The following SHMT2 variants were observed in gnomAD, a reference collection of about 807,000 sequenced individuals.
SHMT2 encodes the protein serine hydroxymethyltransferase 2.
In SHMT2, 38 loss-of-function variants were observed where a neutral mutation model predicts 59.6. That is an observed-to-expected ratio of 0.64 (90% CI 0.49 to 0.84). The LOEUF (loss-of-function observed/expected upper bound fraction) is 0.84. Among genes scored for constraint, SHMT2 ranks in the 40% least tolerant of loss-of-function variants. SHMT2 has a pLI of 0.00. For missense variants in SHMT2, 533 were observed against 659.5 expected, an observed-to-expected ratio of 0.81 and a Z score of 2.10; for synonymous variants, 254 against 258.1, an observed-to-expected ratio of 0.98 and a Z score of 0.15.
At chr12:57,233,368 GGT>G in intron 8 of SHMT2, 23 bp downstream of exon 8, 1 of 1,570,014 alleles carries the variant, frequency 6.4e-7, no homozygotes, top group Non-Finnish European at 8.6e-7. Flanking sequence ...GTCTTTGTAG[GGT>G]GTGGGGGGGC....
At chr12:57,231,680 C>G in intron 3 of SHMT2, 33 bp from the exon 4 acceptor site, 1 of 1,613,062 alleles carries the variant, frequency 6.2e-7, no homozygotes, top group South Asian at 1.1e-5. Flanking sequence ...AGAGTCCTTT[C>G]TCTGTGCCCT....
rs1565767883 is a variant in SHMT2, at chr12:57,229,739, C to CAG, written c.-37_-36dup. 4 of 1,613,706 alleles carry CAG rather than the reference C, an allele frequency of 2.5e-6. No individual in the cohort carries two copies. In the African/African-American group the frequency reaches 5.3e-5, roughly 22 times the overall value. ...CTTCCGACAGCTTGCTGCCCTAGAC[C>CAG]AGAGTTGGTGGCTGGACCTCCTGCG... is the stretch of plus-strand genomic sequence containing the variant. On this transcript the variant is annotated 5_prime_UTR_variant, in exon 1 of 12. Transcript: ENST00000328923.
chr12:57,230,086 G>A, intron 1 of SHMT2: 1 of 1,372,398 alleles, frequency 7.3e-7, no homozygotes. Flanking sequence ...CGGATGCCCC[G>A]CGGACCCGGT....
chr12:57,233,751 G>A lies in SHMT2; in HGVS notation c.1126G>A (p.Gly376Ser). 1.2e-6 allele frequency: 2 copies of A among 1,614,176 alleles called. No homozygotes were observed. Among genetic ancestry groups the A allele is most frequent in the Non-Finnish European group, 1.7e-6 (2 of 1,179,994 alleles). ...LERGYSLVSG[G>S]TDNHLVLVDL... ...TCCCCATTTCTTACCCACCTTAGGT[G>A]GTACTGACAACCACCTGGTGCTGGT... The change falls in exon 10 of 12, where the codon GGT becomes AGT. Residue 376 changes from glycine (G) to serine (S), a missense_variant and splice_region_variant. Coordinates refer to ENST00000328923, the MANE Select transcript of SHMT2 (RefSeq NM_005412.6).
Position 57,232,157 on chromosome 12 carries a change from G to A in SHMT2, c.513-54G>A, listed in dbSNP as rs917018224. The A allele has an allele frequency of 3.3e-6, 5 of 1,513,530 alleles. No individual in the cohort carries two copies. In the East Asian group the frequency reaches 1.1e-4, roughly 34 times the overall value. The allele number at this position is 1,513,530 out of a possible 1,614,324, so 93.8% of individuals were successfully genotyped here. A position where few individuals can be genotyped will look rare whatever the true frequency, so the allele number is the denominator to read the frequency against. On this transcript the variant is annotated intron_variant, in intron 4 of 11. Coordinates refer to ENST00000328923, the MANE Select transcript of SHMT2 (RefSeq NM_005412.6). ...GAGAACTGTGGAGTTGAAGGGAGTGGTTAAGTCCGGGGGTCCTTCCACCCA... is the reference window on the plus strand; with the variant it reads ...GAGAACTGTGGAGTTGAAGGGAGTGATTAAGTCCGGGGGTCCTTCCACCCA...
intron 7 of SHMT2, 90 bp from the exon 8 acceptor site, chr12:57,233,090 C>A: frequency 6.9e-7 from 1 of 1,455,480 alleles, no homozygotes; most frequent in Non-Finnish European, 9.2e-7. Flanking sequence ...GAGCTGTGCC[C>A]TTGGGGCCCA....
chr12:57,232,918 T>A, intron 7 of SHMT2, 75 bp downstream of exon 7: 1 of 1,547,168 alleles, frequency 6.5e-7, no homozygotes, highest in Non-Finnish European at 8.8e-7. Context: ...GGCCTGGACC[T>A]GAGAGGAATT....
In SHMT2 at chr12:57,234,365, C is replaced by T; in HGVS notation, c.*4C>T. ...GCCTGGTTTTGATGAGCATTGAAGGCACCTGGGAAATGAGGCCCACAGACT... is the reference window on the plus strand; with the variant it reads ...GCCTGGTTTTGATGAGCATTGAAGGTACCTGGGAAATGAGGCCCACAGACT... On this transcript the variant is annotated 3_prime_UTR_variant, in exon 12 of 12. Transcript: ENST00000328923. The T allele has an allele frequency of 6.3e-7, 1 of 1,577,498 alleles. No individual in the cohort carries two copies. Among genetic ancestry groups the T allele is most frequent in the South Asian group, 1.2e-5 (1 of 85,562 alleles).
At chr12:57,230,071 A>G in intron 1 of SHMT2, 1 of 1,393,704 alleles carries the variant, frequency 7.2e-7, no homozygotes, top group Non-Finnish European at 9.3e-7. Context: ...GGGAGAGGAC[A>G]GCCCCGGATG....
At chr12:57,232,961 C>A in intron 7 of SHMT2, 118 bp downstream of exon 7, 2 of 1,411,488 alleles carry the variant, frequency 1.4e-6, no homozygotes, top group Non-Finnish European at 9.6e-7. Flanking sequence ...GACTCCTGCC[C>A]AGTCTGTGAG....
intron 1 of SHMT2, chr12:57,230,324 C>T (rs2037261007): frequency 2.6e-6 from 3 of 1,140,988 alleles, no homozygotes; most frequent in Admixed American, 9.2e-5. Context: ...CACAGCTCTT[C>T]CTCACGGACT....
chr12:57,233,400 C>A, intron 8 of SHMT2, 55 bp downstream of exon 8: 2 of 1,539,470 alleles, frequency 1.3e-6, no homozygotes, highest in Non-Finnish European at 1.8e-6. Context: ...GAGGCTTAGA[C>A]CCTGCACCTT....
chr12:57,230,437 C>T (rs776446984), intron 1 of SHMT2: 333 of 1,172,728 alleles, frequency 2.8e-4, no homozygotes, highest in Non-Finnish European at 3.5e-4. Flanking sequence ...GTTTATGGTG[C>T]CCTGCAGGAA....
At position 57,232,814 on chromosome 12, in the gene SHMT2, C is replaced by T. The variant is rs750285738; in HGVS notation, c.828C>T (p.Thr276=). Reference sequence around the variant, plus strand: ...TCAAGCACGCGGACATCGTCACCACCACTACTCACAAGACTCTTCGAGGGG... The same window carrying T: ...TCAAGCACGCGGACATCGTCACCACTACTACTCACAAGACTCTTCGAGGGG... ...SPFKHADIVT[T]TTHKTLRGAR... is the part of the protein sequence containing the mutation. Residue 276 remains threonine, a synonymous_variant, in exon 7 of 12, where the codon ACC becomes ACT. Transcript: ENST00000328923. 25 of 1,612,940 alleles carry T rather than the reference C, an allele frequency of 1.5e-5. 1 individual carries two copies. The South Asian group carries it at 2.7e-4, about 18-fold the overall frequency.
At chr12:57,230,411 G>T (rs1200793037) in intron 1 of SHMT2, 1 of 1,146,860 alleles carries the variant, frequency 8.7e-7, no homozygotes, top group Non-Finnish European at 1.1e-6. Context: ...CTCTTCCCCC[G>T]CTGACTGGGG....
chr12:57,233,686 G>C, intron 9 of SHMT2, 24 bp downstream of exon 9: 1 of 1,613,212 alleles, frequency 6.2e-7, no homozygotes, highest in Non-Finnish European at 8.5e-7. Flanking sequence ...TGATGGGTGA[G>C]GGCCTCTGTA....
rs1270799088 is a variant in SHMT2 at position 57,230,917 on chromosome 12, T to C, written c.148T>C (p.Ser50Pro). 1 of 1,613,882 alleles carries C rather than the reference T, an allele frequency of 6.2e-7. No homozygotes were observed. Among genetic ancestry groups the C allele is most frequent in the African/African-American group, 1.3e-5 (1 of 74,872 alleles). The change falls in exon 2 of 12, where the codon TCG (serine) becomes CCG (proline). Residue 50 changes from serine (S) to proline (P), a missense_variant. Ser to Pro is a moderately conservative substitution (Grantham distance 74, BLOSUM62 -1). Coordinates refer to ENST00000328923, the MANE Select transcript of SHMT2 (RefSeq NM_005412.6). The stretch of plus-strand genomic sequence containing the variant: ...GGGCTGGACAGGCCAGGAGAGCCTG[T>C]CGGACAGTGATCCTGAGATGTGGGA... ...NRGWTGQESLSDSDPEMWELL... is the reference protein window; with the variant it reads ...NRGWTGQESLPDSDPEMWELL...
chr12:57,232,416 C>T lies in SHMT2; in HGVS notation c.595-37C>T, dbSNP rs375126310. On this transcript the variant is annotated intron_variant, in intron 5 of 11. Transcript: ENST00000328923. ...AGGAGGAGAGTGAGCTGCCCTGCTT[C>T]CTTCTCAGGGCTTTAGCTGTTTGTG... 1.6e-3 allele frequency: 2,558 copies of T among 1,614,138 alleles called. 7 individuals carry two copies. The highest frequency in any genetic ancestry group is 2.0e-3 in the Non-Finnish European group (2,372 of 1,179,994).
intron 2 of SHMT2, 77 bp downstream of exon 2, chr12:57,231,077 C>T: frequency 1.4e-6 from 2 of 1,398,662 alleles, no homozygotes; most frequent in African/African-American, 2.8e-5. Context: ...ACTGATATTT[C>T]TCCAAAACCC....
Sources: gnomAD v4.1 joint callset for allele counts on GRCh38, gnomAD v4.1.1 for gene constraint, MANE v1.5 for transcripts, NCBI Gene and HGNC (gene_info 2026-07-23, HGNC 2026-07-21) for gene names.